The following SAXO1 variants were observed in gnomAD, a reference collection of about 807,000 sequenced individuals.
The protein encoded by SAXO1 is stabilizer of axonemal microtubules 1.
Under a neutral mutation model 17.5 loss-of-function variants are expected in SAXO1, and 21 were observed. The ratio of observed to expected loss-of-function variants is 1.20; its 90% CI spans 0.85 to 1.72. SAXO1 has a LOEUF of 1.72. Ranked by LOEUF, SAXO1 falls within the 40% of genes most tolerant of loss-of-function variation. SAXO1 has a pLI of 0.00. For missense variants in SAXO1, 843 were observed against 596.0 expected (o/e 1.41, Z -4.32); for synonymous variants, 274 against 216.5 (o/e 1.27, Z -2.33).
At chr9:19,007,277 G>A (rs188619792) in intron 1 of SAXO1, among the ~76,000 whole-genome samples, 2 of 152,052 alleles carry the variant, frequency 1.3e-5, no homozygotes, top group South Asian at 4.1e-4. Context: ...AACCCGGGAG[G>A]CAGAGGTTGC....
At chr9:18,985,476 T>C (rs188118773) in intron 1 of SAXO1, among the ~76,000 whole-genome samples, 4 of 152,304 alleles carry the variant, frequency 2.6e-5, no homozygotes, top group Admixed American at 2.6e-4. Flanking sequence ...ATGCACACAG[T>C]GTAGCAATCA....
intron 1 of SAXO1, among the ~76,000 whole-genome samples, chr9:18,958,332 G>T (rs192743167): frequency 1.3e-5 from 2 of 152,266 alleles, no homozygotes; most frequent in East Asian, 3.9e-4. Context: ...GCTGAGGCAG[G>T]ACAATCATTT....
intron 1 of SAXO1, among the ~76,000 whole-genome samples, chr9:18,961,465 A>T (rs201612736): frequency 5.9e-5 from 9 of 151,918 alleles, no homozygotes; most frequent in African/African-American, 1.2e-4. Flanking sequence ...GTTAGGTATT[A>T]CTCCTAATGC....
intron 1 of SAXO1, among the ~76,000 whole-genome samples, chr9:19,046,017 G>A (rs1383244415): frequency 1.3e-5 from 2 of 150,254 alleles, no homozygotes; most frequent in African/African-American, 2.5e-5. Flanking sequence ...GAACCTGGGA[G>A]GCGGAGGTTG....
Position 18,932,551 on chromosome 9 carries a change from G to T in SAXO1, c.422-3496C>A, listed in dbSNP as rs1268946536. Among the ~76,000 whole-genome samples the T allele has an allele frequency of 2.0e-5, 3 of 152,216 alleles. No individual in the cohort carries two copies. In the East Asian group the frequency reaches 5.8e-4, roughly 29 times the overall value. On this transcript the variant is annotated intron_variant, in intron 3 of 3. Transcript: ENST00000380534. The stretch of plus-strand genomic sequence containing the variant: ...CATATATAAAACCTAAAATTACTTT[G>T]CCAAGTTCTAAAAAGGAAAAGGAGC...
chr9:18,938,607 G>A (rs1831404559), intron 3 of SAXO1, among the ~76,000 whole-genome samples: 1 of 151,978 alleles, frequency 6.6e-6, no homozygotes, highest in African/African-American at 2.4e-5. Context: ...CCAACACTGA[G>A]GATTACAATT....
chr9:19,012,646 A>G (rs1834797408), intron 1 of SAXO1, among the ~76,000 whole-genome samples: 1 of 152,250 alleles, frequency 6.6e-6, no homozygotes, highest in Non-Finnish European at 1.5e-5. Context: ...AGGATACATC[A>G]GAACGTGCAA....
chr9:18,978,343 C>A (rs975468403), intron 1 of SAXO1, among the ~76,000 whole-genome samples: 2 of 152,192 alleles, frequency 1.3e-5, no homozygotes, highest in Admixed American at 6.5e-5. Flanking sequence ...GCAAACAGGA[C>A]CCTGTCCTGC....
intron 1 of SAXO1, among the ~76,000 whole-genome samples, chr9:19,040,440 C>T (rs1035685677): frequency 3.3e-5 from 5 of 151,852 alleles, no homozygotes; most frequent in Admixed American, 1.3e-4. Context: ...GCCAGGAGTT[C>T]GAGACCAGCC....
intron 1 of SAXO1, among the ~76,000 whole-genome samples, chr9:18,963,390 T>C (rs891870350): frequency 2.0e-5 from 3 of 152,234 alleles, no homozygotes; most frequent in Non-Finnish European, 4.4e-5. Flanking sequence ...TAAATTACTT[T>C]GGGCAGTATG....
At chr9:18,965,467 G>C (rs1264547338) in intron 1 of SAXO1, among the ~76,000 whole-genome samples, 4 of 152,118 alleles carry the variant, frequency 2.6e-5, no homozygotes, top group Admixed American at 2.6e-4. Flanking sequence ...AGGATAGTTA[G>C]CTCTTCTTGT....
upstream of SAXO1, among the ~76,000 whole-genome samples, chr9:19,035,983 T>C (rs1411164686): frequency 6.6e-6 from 1 of 152,012 alleles, no homozygotes. Flanking sequence ...AAGAAAAACC[T>C]TCTCAGCAAA....
Position 19,001,663 on chromosome 9 carries a change from C to CAA in SAXO1, c.38+31206_38+31207dup, listed in dbSNP as rs78327852. Among the ~76,000 whole-genome samples, 255 of 130,664 alleles carry CAA rather than the reference C, an allele frequency of 2.0e-3. 1 individual carries two copies. Among genetic ancestry groups the CAA allele is most frequent in the East Asian group, 5.6e-3 (25 of 4,500 alleles). 85.7% of individuals were successfully genotyped at this position (130,664 alleles called of 152,430 possible). ...CCTGGGCAACAGAGCAAGACTCCGTCAAAAAAAAAAAAAAAGATGTTCTTT... is the reference window on the plus strand; with the variant it reads ...CCTGGGCAACAGAGCAAGACTCCGTCAAAAAAAAAAAAAAAAAGATGTTCTTT... On this transcript the variant is annotated intron_variant, in intron 1 of 3. Transcript: ENST00000380534.
intron 1 of SAXO1, among the ~76,000 whole-genome samples, chr9:18,963,774 A>G (rs1291210265): frequency 6.6e-6 from 1 of 152,094 alleles, no homozygotes; most frequent in Non-Finnish European, 1.5e-5. Context: ...CTAATTGAAT[A>G]CCCTTTATTT....
chr9:18,961,214 T>A (rs572436873), intron 1 of SAXO1, among the ~76,000 whole-genome samples: 2 of 152,050 alleles, frequency 1.3e-5, no homozygotes, highest in East Asian at 3.9e-4. Context: ...TCAGCCAGGC[T>A]AGAGTGCAGT....
intron 1 of SAXO1, among the ~76,000 whole-genome samples, chr9:19,045,294 G>C (rs1402260443): frequency 7.6e-6 from 1 of 131,414 alleles, no homozygotes; most frequent in East Asian, 2.2e-4. Context: ...TCCGGCCTGG[G>C]CGACAGAGCG....
intron 1 of SAXO1, among the ~76,000 whole-genome samples, chr9:18,977,783 T>G (rs568814716): frequency 6.6e-6 from 1 of 151,998 alleles, no homozygotes; most frequent in African/African-American, 2.4e-5. Flanking sequence ...CACTTGAAGT[T>G]GGGAGCTCCA....
intron 1 of SAXO1, among the ~76,000 whole-genome samples, chr9:18,954,182 G>C (rs1043114006): frequency 2.0e-5 from 3 of 152,122 alleles, no homozygotes; most frequent in African/African-American, 7.2e-5. Context: ...ACAATTCCCA[G>C]GGGTAAAAGG....
Position 18,928,822 on chromosome 9 carries a change from G to T in SAXO1, c.655C>A (p.Arg219Ser). 6.2e-7 allele frequency: 1 copy of T among 1,614,106 alleles called. No individual in the cohort carries two copies. Among genetic ancestry groups the T allele is most frequent in the South Asian group, 1.1e-5 (1 of 91,076 alleles). ...MSYVAHPVEK[R>S]FVHEAEKFRP... ...AACTTCTCTGCTTCATGCACAAAGCGCTTCTCCACGGGGTGGGCCACATAG... is the reference window on the plus strand; with the variant it reads ...AACTTCTCTGCTTCATGCACAAAGCTCTTCTCCACGGGGTGGGCCACATAG... The change falls in exon 4 of 4, where the codon CGC (arginine) becomes AGC (serine). Residue 219 changes from arginine to serine, a missense_variant. Coordinates refer to ENST00000380534, the MANE Select transcript of SAXO1 (RefSeq NM_153707.4).
Sources: allele counts gnomAD v4.1 joint callset (sites outside exome capture counted in the v4.1 genomes callset), GRCh38; gene constraint gnomAD v4.1.1; transcripts MANE v1.5; gene names NCBI Gene and HGNC (gene_info 2026-07-23, HGNC 2026-07-21).